The following TMEM74 variants were observed in gnomAD, a reference collection of about 807,000 sequenced individuals.
The protein encoded by TMEM74 is transmembrane protein 74.
A neutral mutation model predicts 18.1 loss-of-function variants in TMEM74; 13 were observed. The observed-to-expected ratio is 0.72, with a 90% CI of 0.47 to 1.14. TMEM74 has a LOEUF of 1.14. TMEM74 is among the 50% of genes most tolerant of loss of function. The pLI, the probability that TMEM74 is intolerant of heterozygous loss-of-function variation, is 0.00. For missense variants in TMEM74, 372 were observed against 375.9 expected (o/e 0.99, Z 0.09); for synonymous variants, 159 against 146.6 (o/e 1.08, Z -0.61).
rs554327559 is a variant in TMEM74, at chr8:108,624,226, C to T, written n.265-15400G>A. Among the ~76,000 whole-genome samples, 75 of 152,164 alleles carry T rather than the reference C, an allele frequency of 4.9e-4. 1 individual carries two copies. The highest frequency in any genetic ancestry group is 4.8e-3 in the South Asian group (23 of 4,822). On this transcript the variant is annotated intron_variant and non_coding_transcript_variant, in intron 2 of 3. Coordinates refer to the TMEM74 transcript ENST00000518838. ...GTATGTAAGGGAACAACATCATAAT[C>T]TATTCATTAAGAGCTTTAAAGTGTT...
chr8:108,784,814 C>T lies in TMEM74; in HGVS notation c.285G>A (p.Ala95=), dbSNP rs149009435. The T allele has an allele frequency of 6.7e-4, 1,081 of 1,614,108 alleles. 8 individuals carry two copies. In the African/African-American group the frequency reaches 7.5e-3, roughly 11 times the overall value. The part of the protein sequence containing the change: ...LLHSGNNQIT[A]ERKVCNCCSQ... ...TGCAGCAGTTACAGACTTTCCGTTCCGCTGTTATTTGGTTGTTCCCTGAGT... is the reference window on the plus strand; with the variant it reads ...TGCAGCAGTTACAGACTTTCCGTTCTGCTGTTATTTGGTTGTTCCCTGAGT... Residue 95 remains alanine (A), a synonymous_variant, in exon 2 of 2, where the codon GCG becomes GCA. Transcript: ENST00000297459.
At chr8:108,630,114 G>A (rs1444488628) in intron 2 of TMEM74, among the ~76,000 whole-genome samples, 1 of 152,006 alleles carries the variant, frequency 6.6e-6, no homozygotes, top group Non-Finnish European at 1.5e-5. Flanking sequence ...GACATGCATA[G>A]GCTCAAAATA....
chr8:108,674,202 G>A (rs138655300), intron 1 of TMEM74, among the ~76,000 whole-genome samples: 58 of 152,132 alleles, frequency 3.8e-4, no homozygotes, highest in African/African-American at 1.2e-3. Flanking sequence ...AGCTTTGTGG[G>A]GCTGATACTG....
At chr8:108,772,923 T>G (rs552625063) in intron 1 of TMEM74, among the ~76,000 whole-genome samples, 1 of 152,266 alleles carries the variant, frequency 6.6e-6, no homozygotes, top group South Asian at 2.1e-4. Context: ...TGAGTAAATA[T>G]GAGAACTGGG....
Position 108,780,071 on chromosome 8 carries a change from G to A in TMEM74, c.*4110C>T, listed in dbSNP as rs369848733. Among the ~76,000 whole-genome samples the A allele has an allele frequency of 4.6e-5, 7 of 152,082 alleles. No individual in the cohort carries two copies. The highest frequency in any genetic ancestry group is 7.2e-5 in the African/African-American group (3 of 41,426). On this transcript the variant is annotated 3_prime_UTR_variant, in exon 2 of 2. Transcript: ENST00000297459. The stretch of plus-strand genomic sequence containing the variant: ...AAGACTTCATTATAATCTTCTCATC[G>A]TAGTCATTCTTTATGTCCAATTCTG...
chr8:108,751,661 T>C (rs1465499369), intron 1 of TMEM74, among the ~76,000 whole-genome samples: 1 of 152,004 alleles, frequency 6.6e-6, no homozygotes, highest in Non-Finnish European at 1.5e-5. Context: ...GAGCTAAATA[T>C]AACAAGAAAT....
At chr8:108,621,707 G>C (rs1812441968) in intron 2 of TMEM74, among the ~76,000 whole-genome samples, 1 of 152,134 alleles carries the variant, frequency 6.6e-6, no homozygotes, top group Non-Finnish European at 1.5e-5. Context: ...ATGGATTCTG[G>C]AGGTAGCTCT....
At chr8:108,719,584 T>C (rs1276616468) in intron 1 of TMEM74, among the ~76,000 whole-genome samples, 1 of 152,180 alleles carries the variant, frequency 6.6e-6, no homozygotes, top group Non-Finnish European at 1.5e-5. Flanking sequence ...TTATTGTTTT[T>C]ATATTTAATA....
At chr8:108,728,258 G>A (rs758230054) in intron 1 of TMEM74, among the ~76,000 whole-genome samples, 19 of 152,088 alleles carry the variant, frequency 1.2e-4, no homozygotes, top group Admixed American at 3.9e-4. Flanking sequence ...AGAATGATCC[G>A]GAAGAGTGTA....
chr8:108,724,443 G>A (rs2130633827), intron 1 of TMEM74, among the ~76,000 whole-genome samples: 2 of 152,238 alleles, frequency 1.3e-5, no homozygotes, highest in Middle Eastern at 3.4e-3. Context: ...GATACAGATG[G>A]TGCCATACAG....
chr8:108,681,450 A>C lies in TMEM74; in HGVS notation n.120-26013T>G, dbSNP rs529049114. On this transcript the variant is annotated intron_variant and non_coding_transcript_variant, in intron 1 of 3. Transcript: ENST00000518838. ...CCTATTTAATAAATGGTGCTGGGAA[A>C]ACTGGCTAGCCATATGTGGAAAGCT... Among the ~76,000 whole-genome samples the C allele has an allele frequency of 1.3e-3, 199 of 152,324 alleles. 1 individual carries two copies. The highest frequency in any genetic ancestry group is 6.8e-3 in the Middle Eastern group (2 of 294).
chr8:108,767,703 A>G (rs1814124756), intron 1 of TMEM74, among the ~76,000 whole-genome samples: 1 of 152,080 alleles, frequency 6.6e-6, no homozygotes, highest in South Asian at 2.1e-4. Context: ...GTTAACTTAA[A>G]CTTGTATTGG....
chr8:108,750,768 C>T (rs941747043), intron 1 of TMEM74, among the ~76,000 whole-genome samples: 4 of 152,094 alleles, frequency 2.6e-5, no homozygotes, highest in Admixed American at 6.6e-5. Context: ...GAGGGCACTG[C>T]GCATGTGGGC....
At chr8:108,726,254 G>A (rs1011533101) in intron 1 of TMEM74, among the ~76,000 whole-genome samples, 1 of 152,068 alleles carries the variant, frequency 6.6e-6, no homozygotes, top group African/African-American at 2.4e-5. Context: ...GAAAGCAGGA[G>A]GAAAGCATAT....
chr8:108,648,466 C>A (rs762963124), intron 2 of TMEM74, among the ~76,000 whole-genome samples: 5 of 152,140 alleles, frequency 3.3e-5, no homozygotes, highest in Non-Finnish European at 7.3e-5. Context: ...ATATCCTAAT[C>A]CTCAGGACCT....
downstream of TMEM74, among the ~76,000 whole-genome samples, chr8:108,775,579 T>C (rs943903820): frequency 2.0e-5 from 3 of 152,196 alleles, no homozygotes; most frequent in Admixed American, 2.0e-4. Context: ...TCCTGACCCA[T>C]GGCTTCTCTT....
intron 1 of TMEM74, among the ~76,000 whole-genome samples, chr8:108,719,417 G>T (rs893062414): frequency 1.3e-5 from 2 of 151,954 alleles, no homozygotes; most frequent in Non-Finnish European, 2.9e-5. Context: ...TGGCAGCTCT[G>T]CATTGTTTAG....
At chr8:108,638,399 AACACTCTATTTTG>A (rs1201703052) in intron 2 of TMEM74, among the ~76,000 whole-genome samples, 6 of 152,064 alleles carry the variant, frequency 3.9e-5, no homozygotes, top group African/African-American at 1.4e-4. Flanking sequence ...ATTTTTTACT[AACACTCTATTTTG>A]TTGTTAAGAT....
intron 2 of TMEM74, among the ~76,000 whole-genome samples, chr8:108,643,064 T>C (rs1812682430): frequency 6.6e-6 from 1 of 152,176 alleles, no homozygotes; most frequent in Non-Finnish European, 1.5e-5. Flanking sequence ...CTGGCATGGC[T>C]CCTGCTGTTA....
Sources: gnomAD v4.1 joint callset for allele counts (sites outside exome capture counted in the v4.1 genomes callset) on GRCh38, gnomAD v4.1.1 for gene constraint, MANE v1.5 for transcripts, NCBI Gene and HGNC (gene_info 2026-07-23, HGNC 2026-07-21) for gene names.